The following DCUN1D2 variants were observed in gnomAD, a reference collection of about 807,000 sequenced individuals.
The protein encoded by DCUN1D2 is DCN1-like protein 2.
In DCUN1D2, 29 loss-of-function variants were observed where a neutral mutation model predicts 30.9. The observed-to-expected ratio is 0.94, with a 90% CI of 0.70 to 1.28. The LOEUF (loss-of-function observed/expected upper bound fraction) is 1.28. Among genes scored for constraint, DCUN1D2 ranks in the 50% most tolerant of loss-of-function variants. DCUN1D2 has a pLI of 0.00. For synonymous variants in DCUN1D2, 121 were observed against 115.3 expected (o/e 1.05, Z -0.32); for missense variants, 325 against 316.9 (o/e 1.03, Z -0.19).
At chr13:113,475,268 G>A (rs971074616) in intron 3 of DCUN1D2, 1 of 152,200 alleles carries the variant, frequency 6.6e-6, no homozygotes, top group Non-Finnish European at 1.5e-5. Flanking sequence ...GCCACCTCGA[G>A]GCGTCAGAGC....
intron 1 of DCUN1D2, among the ~76,000 whole-genome samples, chr13:113,486,242 C>T (rs1023545678): frequency 5.9e-5 from 9 of 151,916 alleles, no homozygotes; most frequent in East Asian, 5.8e-4. Context: ...AGTGAACTGG[C>T]GCAGGAACAG....
intron 3 of DCUN1D2, among the ~76,000 whole-genome samples, chr13:113,476,309 C>G (rs919280397): frequency 1.3e-5 from 2 of 152,138 alleles, no homozygotes; most frequent in Non-Finnish European, 2.9e-5. Flanking sequence ...CACTGGAGTC[C>G]CCCTCCACGC....
chr13:113,486,294 A>G (rs2044801969), intron 1 of DCUN1D2, among the ~76,000 whole-genome samples: 1 of 152,164 alleles, frequency 6.6e-6, no homozygotes, highest in South Asian at 2.1e-4. Context: ...GTGGGAGCTG[A>G]ACACTGAGCA....
chr13:113,479,761 C>G (rs776463410), intron 3 of DCUN1D2, among the ~76,000 whole-genome samples: 1 of 152,026 alleles, frequency 6.6e-6, no homozygotes, highest in Non-Finnish European at 1.5e-5. Flanking sequence ...GGAGTACACT[C>G]GAAAATAATA....
At chr13:113,458,330 G>A (rs1351839563) in intron 6 of DCUN1D2, among the ~76,000 whole-genome samples, 1 of 152,222 alleles carries the variant, frequency 6.6e-6, no homozygotes, top group Non-Finnish European at 1.5e-5. Flanking sequence ...ATGTCTAGGG[G>A]GCTGTGGGCT....
At chr13:113,475,667 G>A (rs1045097653) in intron 3 of DCUN1D2, among the ~76,000 whole-genome samples, 13 of 152,082 alleles carry the variant, frequency 8.5e-5, no homozygotes, top group Non-Finnish European at 1.5e-4. Flanking sequence ...AGGGAGGATC[G>A]CTTGAGGCCA....
chr13:113,457,362 T>C lies in DCUN1D2; in HGVS notation c.*667A>G, dbSNP rs1422064994. The C allele has an allele frequency of 6.6e-6, 1 of 152,238 alleles. No homozygotes were observed. The highest frequency in any genetic ancestry group is 1.5e-5 in the Non-Finnish European group (1 of 68,044). 9.4% of individuals were successfully genotyped at this position (152,238 alleles called of 1,614,324 possible). A position where few individuals can be genotyped will look rare whatever the true frequency, so the allele number is the denominator to read the frequency against. On this transcript the variant is annotated 3_prime_UTR_variant, in exon 7 of 7. Transcript: ENST00000478244. The stretch of plus-strand genomic sequence containing the variant: ...ATAAACGGTGTGAGATAAACTCTGC[T>C]GGAATCGTGCCACGTGTGCCGTTGC...
Position 113,457,961 on chromosome 13 carries a change from G to C in DCUN1D2, c.*68C>G. 1 of 1,427,264 alleles carries C rather than the reference G, an allele frequency of 7.0e-7. No individual in the cohort carries two copies. Among genetic ancestry groups the C allele is most frequent in the African/African-American group, 1.4e-5 (1 of 71,320 alleles). The allele number at this position is 1,427,264 out of a possible 1,614,324, so 88.4% of individuals were successfully genotyped here. On this transcript the variant is annotated 3_prime_UTR_variant, in exon 7 of 7. Transcript: ENST00000478244. ...TCTGGAATCAGCGACAATGCACCCA[G>C]GAACTGACTGCAATCTCCTTGCAGG... is the stretch of plus-strand genomic sequence containing the variant.
chr13:113,471,450 A>T (rs577671904), intron 4 of DCUN1D2, among the ~76,000 whole-genome samples: 1 of 152,254 alleles, frequency 6.6e-6, no homozygotes, highest in Non-Finnish European at 1.5e-5. Context: ...CCAAAACCAA[A>T]TACAAGGAAC....
chr13:113,458,066 C>G lies in DCUN1D2; in HGVS notation c.743G>C (p.Arg248Pro), dbSNP rs140928771. 5 of 1,614,168 alleles carry G rather than the reference C, an allele frequency of 3.1e-6. No homozygotes were observed. Among genetic ancestry groups the G allele is most frequent in the Non-Finnish European group, 4.2e-6 (5 of 1,180,016 alleles). The change falls in exon 7 of 7, where the codon CGG (arginine) becomes CCG (proline). Residue 248 changes from arginine (R) to proline (P), a missense_variant. Transcript: ENST00000478244. ...VLIDDFVEYA[R>P]PVVTGGKRSL... ...GCGTTTTCCACCTGTGACTACTGGC[C>G]GTGCATATTCTACAAAATCATCTAT...
At chr13:113,489,038 A>G in intron 1 of DCUN1D2, 3 of 796,826 alleles carry the variant, frequency 3.8e-6, no homozygotes, top group Non-Finnish European at 4.6e-6. Flanking sequence ...AAGGATACCC[A>G]TATGTAAAAT....
intron 2 of DCUN1D2, among the ~76,000 whole-genome samples, chr13:113,482,538 T>C (rs892728149): frequency 1.3e-5 from 2 of 152,174 alleles, no homozygotes; most frequent in East Asian, 1.9e-4. Flanking sequence ...CCACTGACTA[T>C]GTTTCTGAGC....
At chr13:113,472,993 C>T in intron 4 of DCUN1D2, among the ~76,000 whole-genome samples, 1 of 143,206 alleles carries the variant, frequency 7.0e-6, no homozygotes, top group East Asian at 2.3e-4. Flanking sequence ...CCCCCCGTGC[C>T]TCTGTCCCTC....
intron 1 of DCUN1D2, among the ~76,000 whole-genome samples, chr13:113,487,601 T>C (rs2044830498): frequency 6.6e-6 from 1 of 152,122 alleles, no homozygotes. Context: ...CAGTGTGCGA[T>C]TCCAGCCACA....
chr13:113,475,639 T>G (rs915367267), intron 3 of DCUN1D2, among the ~76,000 whole-genome samples: 3 of 152,030 alleles, frequency 2.0e-5, no homozygotes, highest in African/African-American at 7.2e-5. Flanking sequence ...GTAATCCCAG[T>G]GCTTTGAGAG....
rs773432852 is a variant in DCUN1D2 at position 113,483,985 on chromosome 13, A to G, written c.75T>C (p.Thr25=). The G allele has an allele frequency of 6.2e-7, 1 of 1,614,206 alleles. No individual in the cohort carries two copies. The highest frequency in any genetic ancestry group is 1.7e-5 in the Admixed American group (1 of 60,038). ...CATTCTGCGTTAAGCAGTAGATAGC[A>G]GTTCTCTCGCCAGCCTGAGTGCACG... ...FMACTQAGER[T]AIYCLTQNEW... Residue 25 remains threonine, a synonymous_variant, in exon 2 of 7, where the codon ACT becomes ACC. Coordinates refer to ENST00000478244, the MANE Select transcript of DCUN1D2 (RefSeq NM_001014283.2).
chr13:113,483,029 T>C (rs1379361470), intron 2 of DCUN1D2, among the ~76,000 whole-genome samples: 1 of 152,222 alleles, frequency 6.6e-6, no homozygotes, highest in East Asian at 1.9e-4. Context: ...CTAACACTTG[T>C]TTAAATGAGA....
At chr13:113,462,836 T>C in intron 4 of DCUN1D2, 1 of 1,226,110 alleles carries the variant, frequency 8.2e-7, no homozygotes, top group Non-Finnish European at 1.0e-6. Context: ...AATTGAAATC[T>C]ATATTCAACT....
intron 4 of DCUN1D2, among the ~76,000 whole-genome samples, chr13:113,461,620 C>A (rs984620846): frequency 6.6e-6 from 1 of 152,218 alleles, no homozygotes; most frequent in Non-Finnish European, 1.5e-5. Context: ...GTAATTACAG[C>A]GGCCTTATGA....
Sources: allele counts gnomAD v4.1 joint callset (sites outside exome capture counted in the v4.1 genomes callset), GRCh38; gene constraint gnomAD v4.1.1; transcripts MANE v1.5; gene names NCBI Gene and HGNC (gene_info 2026-07-23, HGNC 2026-07-21).